Variants in GALK2 observed in about 807,000 individuals in gnomAD.
GALK2 encodes the protein N-acetylgalactosamine kinase.
A neutral mutation model predicts 52.4 loss-of-function variants in GALK2; 36 were observed. That is an observed-to-expected ratio of 0.69 (90% CI 0.53 to 0.91). The LOEUF is 0.91. Among genes scored for constraint, GALK2 ranks in the 40% least tolerant of loss-of-function variants. The pLI, the probability that GALK2 is intolerant of heterozygous loss-of-function variation, is 0.00. For synonymous variants in GALK2, 176 were observed against 199.1 expected (o/e 0.88, Z 0.98); for missense variants, 579 against 559.1 (o/e 1.04, Z -0.36).
At chr15:49,313,349 AGATGT>A (rs1224539526) in intron 8 of GALK2, among the ~76,000 whole-genome samples, 2 of 152,238 alleles carry the variant, frequency 1.3e-5, no homozygotes, top group African/African-American at 4.8e-5. Context: ...CTAAAGCCTC[AGATGT>A]GAGGATAGCT....
At chr15:49,318,444 A>T (rs981445721) in intron 8 of GALK2, among the ~76,000 whole-genome samples, 1 of 152,128 alleles carries the variant, frequency 6.6e-6, no homozygotes, top group African/African-American at 2.4e-5. Context: ...AATTAGTATC[A>T]GTTGTACATA....
intron 7 of GALK2, among the ~76,000 whole-genome samples, chr15:49,285,675 C>G (rs138074373): frequency 2.6e-5 from 4 of 152,312 alleles, no homozygotes; most frequent in African/African-American, 7.2e-5. Flanking sequence ...CAGTCTTTCA[C>G]AGACCTTATA....
At chr15:49,235,006 C>T (rs890730456) in intron 3 of GALK2, among the ~76,000 whole-genome samples, 1 of 152,106 alleles carries the variant, frequency 6.6e-6, no homozygotes, top group Non-Finnish European at 1.5e-5. Flanking sequence ...AACTTGTGAT[C>T]CGCCTGCCTT....
intron 8 of GALK2, among the ~76,000 whole-genome samples, chr15:49,313,275 A>G (rs1467586586): frequency 2.0e-5 from 3 of 152,236 alleles, no homozygotes; most frequent in Non-Finnish European, 4.4e-5. Context: ...AGAAGGCATC[A>G]CCGTGGCTGG....
intron 1 of GALK2, among the ~76,000 whole-genome samples, chr15:49,190,242 A>G (rs1025088403): frequency 1.3e-5 from 2 of 152,166 alleles, no homozygotes; most frequent in African/African-American, 2.4e-5. Flanking sequence ...GATTCATGGT[A>G]TTTTACAACT....
intron 1 of GALK2, among the ~76,000 whole-genome samples, chr15:49,186,289 ATATTCTTTTT>A (rs967422805): frequency 3.8e-4 from 58 of 151,940 alleles, no homozygotes; most frequent in African/African-American, 1.4e-3. Flanking sequence ...TCGGCATGCT[ATATTCTTTTT>A]TATTCTTTTT....
chr15:49,298,344 A>T (rs114181567), intron 8 of GALK2, among the ~76,000 whole-genome samples: 3,400 of 152,256 alleles, frequency 0.022, 102 homozygotes, highest in South Asian at 0.077. Context: ...TTCTAGGTAT[A>T]GTATCATATT....
At chr15:49,287,740 A>G (rs1338306193) in intron 7 of GALK2, among the ~76,000 whole-genome samples, 1 of 152,232 alleles carries the variant, frequency 6.6e-6, no homozygotes, top group East Asian at 1.9e-4. Flanking sequence ...CTGATCAGCT[A>G]GGGCTCCACA....
intron 3 of GALK2, chr15:49,366,753 C>A: frequency 1.3e-6 from 1 of 780,642 alleles, no homozygotes; most frequent in South Asian, 1.7e-5. Context: ...GGAGTCCCGC[C>A]ACTGCGCTGC....
chr15:49,271,520 T>C (rs1010268359), intron 5 of GALK2, among the ~76,000 whole-genome samples: 9 of 152,210 alleles, frequency 5.9e-5, no homozygotes, highest in African/African-American at 2.2e-4. Context: ...AGATAAAGTA[T>C]AGTATTATGC....
At chr15:49,183,411 CAT>C (rs1406363920) in intron 1 of GALK2, among the ~76,000 whole-genome samples, 2 of 152,142 alleles carry the variant, frequency 1.3e-5, no homozygotes, top group African/African-American at 2.4e-5. Context: ...TTAACTTATT[CAT>C]TGACCTACTG....
At chr15:49,273,333 T>C (rs1446835823) in intron 5 of GALK2, among the ~76,000 whole-genome samples, 4 of 152,192 alleles carry the variant, frequency 2.6e-5, no homozygotes, top group Admixed American at 2.6e-4. Flanking sequence ...ATATTTAAAC[T>C]CCTTCCTTTC....
At chr15:49,275,606 T>G (rs2031527003) in intron 5 of GALK2, among the ~76,000 whole-genome samples, 2 of 152,234 alleles carry the variant, frequency 1.3e-5, no homozygotes, top group Admixed American at 6.5e-5. Flanking sequence ...ATAGGCATGG[T>G]TAACTAACTC....
intron 3 of GALK2, among the ~76,000 whole-genome samples, chr15:49,359,769 G>A (rs1371196592): frequency 7.4e-6 from 1 of 135,378 alleles, no homozygotes; most frequent in African/African-American, 2.8e-5. Flanking sequence ...AAATCATGCT[G>A]CTATAAAGAC....
intron 3 of GALK2, among the ~76,000 whole-genome samples, chr15:49,351,586 G>A (rs148540238): frequency 2.8e-4 from 42 of 152,290 alleles, no homozygotes; most frequent in Admixed American, 4.6e-4. Context: ...CACATACACC[G>A]TCCCAAGTTG....
intron 5 of GALK2, among the ~76,000 whole-genome samples, chr15:49,252,413 T>C (rs983110599): frequency 2.6e-5 from 4 of 152,194 alleles, no homozygotes; most frequent in Non-Finnish European, 5.9e-5. Context: ...TTTTCTAATA[T>C]ACGGTCATAC....
intron 1 of GALK2, among the ~76,000 whole-genome samples, chr15:49,180,173 T>C (rs919405452): frequency 2.0e-5 from 3 of 152,220 alleles, no homozygotes; most frequent in African/African-American, 4.8e-5. Context: ...AGACTTATTC[T>C]AACTCTGCTG....
intron 3 of GALK2, among the ~76,000 whole-genome samples, chr15:49,227,704 C>A (rs2090212888): frequency 6.6e-6 from 1 of 151,666 alleles, no homozygotes; most frequent in African/African-American, 2.4e-5. Flanking sequence ...TTTTATATAT[C>A]TTTTTTCTTT....
intron 9 of GALK2, among the ~76,000 whole-genome samples, chr15:49,323,356 G>T (rs542113309): frequency 6.6e-6 from 1 of 152,260 alleles, no homozygotes; most frequent in South Asian, 2.1e-4. Flanking sequence ...CATCAGTAGG[G>T]AAGGTGTGAC....
Sources: gnomAD v4.1 joint callset for allele counts (sites outside exome capture counted in the v4.1 genomes callset) on GRCh38, gnomAD v4.1.1 for gene constraint, MANE v1.5 for transcripts, NCBI Gene and HGNC (gene_info 2026-07-23, HGNC 2026-07-21) for gene names.